Variants in TBC1D23 observed in about 807,000 individuals in gnomAD.
TBC1D23 encodes the protein TBC1 domain family member 23.
Under a neutral mutation model 91.4 loss-of-function variants are expected in TBC1D23, and 55 were observed. That is an observed-to-expected ratio of 0.60 (90% confidence interval 0.48 to 0.75). The LOEUF (loss-of-function observed/expected upper bound fraction) is 0.75, where lower values mean the gene tolerates loss of function less well. Ranked by LOEUF, TBC1D23 falls within the 30% of genes least tolerant of loss-of-function variation. The probability of loss-of-function intolerance (pLI) is 0.00; values close to 1 mark genes in which losing one functional copy is unlikely to be tolerated. For missense variants in TBC1D23, 725 were observed against 836.1 expected, an observed-to-expected ratio of 0.87 and a Z score of 1.64; for synonymous variants, 289 against 281.0, an observed-to-expected ratio of 1.03 and a Z score of -0.28.
At chr3:100,276,661 A>G (rs1039786297) in intron 1 of TBC1D23, among the ~76,000 whole-genome samples, 1 of 152,218 alleles carries the variant, frequency 6.6e-6, no homozygotes, top group Non-Finnish European at 1.5e-5. Flanking sequence ...TTCTGAAGCA[A>G]CTTGGGCTAC....
chr3:100,267,637 T>C lies in TBC1D23; in HGVS notation c.53+6566T>C, dbSNP rs192252028. 8.3e-4 allele frequency among the ~76,000 whole-genome samples: 127 copies of C among 152,334 alleles called. 1 individual carries two copies. Among genetic ancestry groups the C allele is most frequent in the African/African-American group, 2.9e-3 (121 of 41,578 alleles). On this transcript the variant is annotated intron_variant, in intron 1 of 18. Coordinates refer to ENST00000394144, the MANE Select transcript of TBC1D23 (RefSeq NM_001199198.3). ...GAATACTTGCATTATACTTAACCGG[T>C]TGAGCATCCCTAATCAAAAATCTGA...
rs568842919 is a variant in TBC1D23, at chr3:100,293,790, A to AAGTAAAGAAAG, written c.601-1297_601-1296insAGTAAAGAAAG. ...TCTGTGAGCTTGAGAAAGTAAAGTA[A>AAGTAAAGAAAG]TCCAAGTTCCTCGCCTGAAAAAAAT... On this transcript the variant is annotated intron_variant, in intron 5 of 18. Transcript: ENST00000394144. Among the ~76,000 whole-genome samples, 890 of 152,264 alleles carry AAGTAAAGAAAG rather than the reference A, an allele frequency of 5.8e-3. 11 individuals carry two copies. Among genetic ancestry groups the AAGTAAAGAAAG allele is most frequent in the African/African-American group, 0.021 (857 of 41,540 alleles).
chr3:100,312,001 C>G, intron 15 of TBC1D23, 124 bp downstream of exon 15: 1 of 645,166 alleles, frequency 1.5e-6, no homozygotes, highest in Non-Finnish European at 2.7e-6. Context: ...GCTAAACTTT[C>G]CTCATTCTGC....
chr3:100,277,825 C>T (rs1250845765), intron 1 of TBC1D23, among the ~76,000 whole-genome samples: 1 of 152,188 alleles, frequency 6.6e-6, no homozygotes. Context: ...AGATAAACCC[C>T]AGTTTTTATC....
At chr3:100,267,792 A>G (rs1412535630) in intron 1 of TBC1D23, among the ~76,000 whole-genome samples, 1 of 152,200 alleles carries the variant, frequency 6.6e-6, no homozygotes, top group Non-Finnish European at 1.5e-5. Flanking sequence ...AATACTGTAC[A>G]TTTGCATAGA....
intron 11 of TBC1D23, 56 bp downstream of exon 11, chr3:100,302,293 A>G (rs1369233664): frequency 7.2e-7 from 1 of 1,397,540 alleles, no homozygotes; most frequent in Non-Finnish European, 9.6e-7. Flanking sequence ...ACCTTTAAAA[A>G]ATTTACATAG....
chr3:100,261,012 A>G lies in TBC1D23; in HGVS notation c.-7A>G. 1 of 1,613,882 alleles carries G rather than the reference A, an allele frequency of 6.2e-7. No individual in the cohort carries two copies. The highest frequency in any genetic ancestry group is 8.5e-7 in the Non-Finnish European group (1 of 1,179,750). On this transcript the variant is annotated 5_prime_UTR_variant, in exon 1 of 19. Transcript: ENST00000394144. ...TTTTCGGCAAAGTGACGTGGACGTC[A>G]ACAGCAATGGCGGAAGGAGAAGATG...
intron 1 of TBC1D23, among the ~76,000 whole-genome samples, chr3:100,278,447 A>G (rs1284624955): frequency 1.3e-5 from 2 of 150,436 alleles, no homozygotes; most frequent in Non-Finnish European, 2.9e-5. Flanking sequence ...GTGCAGTAGC[A>G]TAATCTTGGC....
At chr3:100,323,174 T>C (rs1363206114) in intron 18 of TBC1D23, among the ~76,000 whole-genome samples, 1 of 152,220 alleles carries the variant, frequency 6.6e-6, no homozygotes, top group African/African-American at 2.4e-5. Flanking sequence ...AGTCAAACTA[T>C]TAAGTGTTGG....
At chr3:100,315,152 T>G (rs1212628967) in intron 15 of TBC1D23, among the ~76,000 whole-genome samples, 1 of 130,246 alleles carries the variant, frequency 7.7e-6, no homozygotes, top group East Asian at 2.5e-4. Context: ...AAGAGGCAGA[T>G]TCTTTTTTTT....
intron 11 of TBC1D23, among the ~76,000 whole-genome samples, chr3:100,303,607 CA>C: frequency 6.6e-6 from 1 of 152,016 alleles, no homozygotes; most frequent in South Asian, 2.1e-4. Context: ...CCTGTCTCTA[CA>C]AAAAATAAAA....
intron 14 of TBC1D23, 130 bp downstream of exon 14, chr3:100,310,672 A>G (rs1164289888): frequency 7.4e-6 from 5 of 678,324 alleles, no homozygotes; most frequent in Non-Finnish European, 1.2e-5. Context: ...TTTCTATTAG[A>G]TGATTTCATA....
chr3:100,274,229 C>G (rs908785931), intron 1 of TBC1D23, among the ~76,000 whole-genome samples: 7 of 152,110 alleles, frequency 4.6e-5, no homozygotes, highest in African/African-American at 9.7e-5. Context: ...AAGCATTGCC[C>G]TGAATTTTTT....
chr3:100,295,722 T>C (rs2067833295), intron 7 of TBC1D23, among the ~76,000 whole-genome samples: 1 of 152,126 alleles, frequency 6.6e-6, no homozygotes, highest in Admixed American at 6.6e-5. Context: ...CCCCACCATA[T>C]CCCCCACATA....
intron 1 of TBC1D23, among the ~76,000 whole-genome samples, chr3:100,265,126 T>C (rs540160514): frequency 6.6e-6 from 1 of 152,312 alleles, no homozygotes; most frequent in South Asian, 2.1e-4. Flanking sequence ...ATCATTGTTC[T>C]TTAGATAATG....
intron 15 of TBC1D23, among the ~76,000 whole-genome samples, chr3:100,314,034 A>G (rs1443780321): frequency 1.5e-5 from 2 of 135,362 alleles, no homozygotes; most frequent in Non-Finnish European, 3.3e-5. Flanking sequence ...AACTCTCATT[A>G]TATTTATTGA....
At chr3:100,311,964 C>G in intron 15 of TBC1D23, 87 bp downstream of exon 15, 1 of 889,680 alleles carries the variant, frequency 1.1e-6, no homozygotes, top group Non-Finnish European at 1.7e-6. Context: ...GCTGTCTTGG[C>G]TCAAATTTCA....
At chr3:100,274,888 G>A in intron 1 of TBC1D23, among the ~76,000 whole-genome samples, 1 of 128,172 alleles carries the variant, frequency 7.8e-6, no homozygotes, top group Admixed American at 8.7e-5. Flanking sequence ...TATGCATACA[G>A]TACACACCCC....
intron 1 of TBC1D23, among the ~76,000 whole-genome samples, chr3:100,267,731 G>A (rs1242961633): frequency 6.6e-6 from 1 of 152,168 alleles, no homozygotes; most frequent in East Asian, 1.9e-4. Flanking sequence ...AGATTTTGGA[G>A]CATTTCGGAG....
Sources: allele counts gnomAD v4.1 joint callset (sites outside exome capture counted in the v4.1 genomes callset), GRCh38; gene constraint gnomAD v4.1.1; transcripts MANE v1.5; gene names NCBI Gene and HGNC (gene_info 2026-07-23, HGNC 2026-07-21).